SESN1: variants seen among roughly 807,000 people sequenced by gnomAD.
The protein encoded by SESN1 is sestrin 1, also known as sestrin-1.
SESN1 carries 30 observed loss-of-function variants against 59.3 expected under a neutral mutation model. That is an observed-to-expected ratio of 0.51 (90% confidence interval 0.38 to 0.69). The LOEUF is 0.69. SESN1 is among the 30% of genes least tolerant of loss of function. The pLI, the probability that SESN1 is intolerant of heterozygous loss-of-function variation, is 0.00. For missense variants in SESN1, 566 were observed against 673.0 expected, an observed-to-expected ratio of 0.84 and a Z score of 1.76; for synonymous variants, 197 against 219.9, an observed-to-expected ratio of 0.90 and a Z score of 0.92.
At chr6:109,012,052 A>G (rs1779867589) in intron 1 of SESN1, among the ~76,000 whole-genome samples, 1 of 152,188 alleles carries the variant, frequency 6.6e-6, no homozygotes, top group African/African-American at 2.4e-5. Context: ...GATGTTCTGA[A>G]GGTGCTGCTC....
chr6:109,007,991 T>C (rs751713385), intron 1 of SESN1, among the ~76,000 whole-genome samples: 18 of 152,172 alleles, frequency 1.2e-4, no homozygotes, highest in Non-Finnish European at 2.1e-4. Flanking sequence ...GTAAAGTGAA[T>C]AGTTTTCCTA....
At chr6:108,992,144 G>T (rs1030098513) in intron 7 of SESN1, among the ~76,000 whole-genome samples, 1 of 152,112 alleles carries the variant, frequency 6.6e-6, no homozygotes, top group African/African-American at 2.4e-5. Flanking sequence ...TGTCACCCAG[G>T]CTGGAGTGCA....
rs957422216 is a variant in SESN1, at chr6:109,094,771, C to T, written c.-698G>A. The T allele has an allele frequency of 6.6e-6, 1 of 152,238 alleles. No individual in the cohort carries two copies. The highest frequency in any genetic ancestry group is 1.9e-4 in the East Asian group (1 of 5,188). 9.4% of individuals were successfully genotyped at this position (152,238 alleles called of 1,614,324 possible). On this transcript the variant is annotated 5_prime_UTR_variant, in exon 1 of 10. Coordinates refer to ENST00000436639, the MANE Select transcript of SESN1 (RefSeq NM_014454.3). ...GACGCTACTTCTCCGATCCCTGAGC[C>T]CTCGCCCACCACCGCCGAGCCAGAG...
intron 1 of SESN1, among the ~76,000 whole-genome samples, chr6:109,026,979 G>A (rs890466406): frequency 3.3e-5 from 5 of 151,862 alleles, no homozygotes; most frequent in African/African-American, 1.2e-4. Flanking sequence ...AGACCAGCCT[G>A]GCCAACACAG....
At chr6:109,009,545 G>T in intron 1 of SESN1, 1 of 1,037,112 alleles carries the variant, frequency 9.6e-7, no homozygotes, top group Non-Finnish European at 1.1e-6. Flanking sequence ...GCCTCAGTCA[G>T]CACGGACGGC....
At chr6:109,034,345 CTG>C (rs1780223454) in intron 1 of SESN1, among the ~76,000 whole-genome samples, 1 of 152,090 alleles carries the variant, frequency 6.6e-6, no homozygotes, top group African/African-American at 2.4e-5. Context: ...TACTAAGTAT[CTG>C]TAAATAATTT....
At chr6:109,071,783 G>A (rs1583295780) in intron 1 of SESN1, among the ~76,000 whole-genome samples, 1 of 152,282 alleles carries the variant, frequency 6.6e-6, no homozygotes, top group African/African-American at 2.4e-5. Flanking sequence ...CTAACATTTA[G>A]TCAACAAAAA....
chr6:109,035,047 G>A (rs1780231098), intron 1 of SESN1, among the ~76,000 whole-genome samples: 1 of 152,094 alleles, frequency 6.6e-6, no homozygotes, highest in Non-Finnish European at 1.5e-5. Flanking sequence ...TCAACTTATG[G>A]TGAGAAAGAA....
chr6:108,989,594 TAG>T (rs759251549), intron 8 of SESN1, among the ~76,000 whole-genome samples: 4 of 143,154 alleles, frequency 2.8e-5, no homozygotes, highest in African/African-American at 8.0e-5. Flanking sequence ...TAGAGAGAGA[TAG>T]AGAGAGATAG....
intron 1 of SESN1, among the ~76,000 whole-genome samples, chr6:109,058,560 C>T (rs1252922263): frequency 6.6e-6 from 1 of 152,168 alleles, no homozygotes; most frequent in Non-Finnish European, 1.5e-5. Context: ...ACATTGTCCT[C>T]CTAACTGCTT....
At chr6:109,078,258 T>C (rs1781063126) in intron 1 of SESN1, among the ~76,000 whole-genome samples, 1 of 152,140 alleles carries the variant, frequency 6.6e-6, no homozygotes, top group African/African-American at 2.4e-5. Flanking sequence ...GGTGTGCATC[T>C]GTAGTCCCAG....
At chr6:109,031,238 T>A (rs1780177807) in intron 1 of SESN1, among the ~76,000 whole-genome samples, 1 of 152,130 alleles carries the variant, frequency 6.6e-6, no homozygotes, top group Middle Eastern at 3.2e-3. Context: ...AGGTAGTCTA[T>A]AAAGTCAGTA....
At position 109,000,536 on chromosome 6, in the gene SESN1, T is replaced by G. The variant is rs1779594960; in HGVS notation, c.684A>C (p.Lys228Asn). ...TAAGCCAAGGTCTATGGGCTAACAC[T>G]TTGTTAAGTTCTCCTAAATTCTGTA... ...QKLQNLGELN[K>N]VLAHRPWLIT... The change falls in exon 4 of 10, where the codon AAA becomes AAC. Residue 228 changes from lysine (K) to asparagine (N), a missense_variant. Transcript: ENST00000436639. The G allele has an allele frequency of 2.5e-6, 4 of 1,610,910 alleles. No homozygotes were observed. The highest frequency in any genetic ancestry group is 3.4e-6 in the Non-Finnish European group (4 of 1,178,334).
chr6:109,039,815 G>A (rs1029618193), intron 1 of SESN1, among the ~76,000 whole-genome samples: 1 of 152,212 alleles, frequency 6.6e-6, no homozygotes, highest in African/African-American at 2.4e-5. Flanking sequence ...CTTAACTAGA[G>A]TCTTGTTCAT....
chr6:109,089,823 C>A (rs1414230399), intron 1 of SESN1, among the ~76,000 whole-genome samples: 3 of 152,156 alleles, frequency 2.0e-5, no homozygotes, highest in Non-Finnish European at 4.4e-5. Flanking sequence ...CCACTCCCTC[C>A]TGCCCTACCT....
intron 1 of SESN1, among the ~76,000 whole-genome samples, chr6:109,071,622 T>C (rs1332577186): frequency 1.3e-5 from 2 of 152,154 alleles, no homozygotes; most frequent in Non-Finnish European, 2.9e-5. Flanking sequence ...TTTCATATTC[T>C]GGAAGCCAGA....
intron 1 of SESN1, among the ~76,000 whole-genome samples, chr6:109,066,223 T>G (rs1780822944): frequency 6.6e-6 from 1 of 152,102 alleles, no homozygotes; most frequent in African/African-American, 2.4e-5. Flanking sequence ...TACCAAACTC[T>G]TTCCCTAGAG....
At position 109,002,321 on chromosome 6, in the gene SESN1, C is replaced by G; in HGVS notation, c.302G>C (p.Arg101Pro). The G allele has an allele frequency of 1.2e-6, 2 of 1,613,202 alleles. No individual in the cohort carries two copies. Among genetic ancestry groups the G allele is most frequent in the Non-Finnish European group, 1.7e-6 (2 of 1,179,392 alleles). Residue 101 changes from arginine (R) to proline (P), a missense_variant, in exon 2 of 10, where the codon CGA (arginine) becomes CCA (proline). Physicochemically the swap from Arg to Pro is moderately radical, Grantham distance 103. Transcript: ENST00000436639. ...SIQELGIRIP[R>P]PLGQGPSRFI... ...TCTGCTTGGTCCCTGTCCTAGTGGT[C>G]GAGGAATTCTAATGCCAAGTTCCTA...
intron 1 of SESN1, among the ~76,000 whole-genome samples, chr6:109,062,529 G>A (rs1328551989): frequency 2.0e-5 from 3 of 152,116 alleles, no homozygotes; most frequent in Non-Finnish European, 4.4e-5. Flanking sequence ...AATTATGTGA[G>A]GCCATGTAAA....
Sources: gnomAD v4.1 joint callset for allele counts (sites outside exome capture counted in the v4.1 genomes callset) on GRCh38, gnomAD v4.1.1 for gene constraint, MANE v1.5 for transcripts, NCBI Gene and HGNC (gene_info 2026-07-23, HGNC 2026-07-21) for gene names.